Variants in BBS9 observed in about 807,000 individuals in gnomAD.
BBS9 encodes the protein protein PTHB1.
In BBS9, 89 loss-of-function variants were observed where a neutral mutation model predicts 117.7. That is an observed-to-expected ratio of 0.76 (90% CI 0.64 to 0.90). BBS9 has a LOEUF of 0.90. Among genes scored for constraint, BBS9 ranks in the 40% least tolerant of loss-of-function variants. The pLI is 0.00. For missense variants in BBS9, 982 were observed against 1,042.2 expected (o/e 0.94, Z 0.80); for synonymous variants, 379 against 370.9 (o/e 1.02, Z -0.25).
At chr7:33,483,270 G>A (rs35017916) in intron 19 of BBS9, among the ~76,000 whole-genome samples, 341 of 152,144 alleles carry the variant, frequency 2.2e-3, no homozygotes, top group African/African-American at 7.9e-3. Context: ...AACCCTTCTT[G>A]GACTTTGTAC....
At chr7:33,370,175 T>G (rs1333004087) in intron 17 of BBS9, among the ~76,000 whole-genome samples, 4 of 152,118 alleles carry the variant, frequency 2.6e-5, no homozygotes, top group Non-Finnish European at 5.9e-5. Flanking sequence ...AGCAGAATAG[T>G]AGCTGGGTGT....
intron 5 of BBS9, among the ~76,000 whole-genome samples, chr7:33,253,536 C>T (rs193162894): frequency 4.6e-5 from 7 of 152,060 alleles, no homozygotes; most frequent in African/African-American, 7.2e-5. Context: ...TGCTTGAACC[C>T]GGGAGGAGGA....
intron 4 of BBS9, among the ~76,000 whole-genome samples, chr7:33,172,770 A>G (rs1796788490): frequency 6.6e-6 from 1 of 152,232 alleles, no homozygotes. Flanking sequence ...ACAAAAAATT[A>G]TATTCCATAT....
At chr7:33,189,782 A>G (rs1783774277) in intron 5 of BBS9, among the ~76,000 whole-genome samples, 1 of 151,614 alleles carries the variant, frequency 6.6e-6, no homozygotes, top group African/African-American at 2.4e-5. Flanking sequence ...GCTACTCAGG[A>G]AGCTGAGGCA....
chr7:33,611,445 TATA>T (rs1257337137), intron 21 of BBS9, among the ~76,000 whole-genome samples: 3 of 143,100 alleles, frequency 2.1e-5, no homozygotes, highest in African/African-American at 7.7e-5. Context: ...TCTTTAATAT[TATA>T]ATATTTAATA....
rs2128148490 is a variant in BBS9, at chr7:33,171,905, T to A, written c.329-5573T>A. Among the ~76,000 whole-genome samples the A allele has an allele frequency of 2.0e-5, 3 of 152,016 alleles. No homozygotes were observed. The South Asian group carries it at 6.2e-4, about 32-fold the overall frequency. ...ATGGTACCCAGGAGGCTTATGAAGG[T>A]CAAGGCCTCTCTGAGTCCTGACATA... On this transcript the variant is annotated intron_variant, in intron 4 of 22. Coordinates refer to ENST00000242067, the MANE Select transcript of BBS9 (RefSeq NM_198428.3).
chr7:33,510,693 AT>A (rs756549867), intron 20 of BBS9, among the ~76,000 whole-genome samples: 2 of 152,196 alleles, frequency 1.3e-5, no homozygotes, highest in Admixed American at 1.3e-4. Flanking sequence ...ATAAAAAGAA[AT>A]AAGAACACAC....
At chr7:33,540,003 G>T (rs1259976848) in intron 21 of BBS9, among the ~76,000 whole-genome samples, 1 of 152,186 alleles carries the variant, frequency 6.6e-6, no homozygotes, top group Non-Finnish European at 1.5e-5. Context: ...CAGTTTTTGA[G>T]TGTGTATCTT....
At chr7:33,468,180 T>C (rs940274330) in intron 19 of BBS9, among the ~76,000 whole-genome samples, 2 of 151,996 alleles carry the variant, frequency 1.3e-5, no homozygotes, top group African/African-American at 4.8e-5. Context: ...CTAGGTAAAG[T>C]AGTGAGGAAG....
chr7:33,410,053 G>A (rs1352119973), intron 19 of BBS9, among the ~76,000 whole-genome samples: 1 of 152,056 alleles, frequency 6.6e-6, no homozygotes, highest in Non-Finnish European at 1.5e-5. Context: ...TTATGTTATG[G>A]TTTCTTGGGT....
At chr7:33,255,933 G>A (rs1344561879) in intron 5 of BBS9, among the ~76,000 whole-genome samples, 2 of 152,116 alleles carry the variant, frequency 1.3e-5, no homozygotes, top group East Asian at 1.9e-4. Context: ...CAAGGTGGGC[G>A]GATCATGAGG....
intron 19 of BBS9, among the ~76,000 whole-genome samples, chr7:33,452,048 G>T (rs966428221): frequency 1.3e-5 from 2 of 152,036 alleles, no homozygotes; most frequent in African/African-American, 2.4e-5. Context: ...TGGCCAGGCT[G>T]GTCTTGAACT....
chr7:33,285,494 A>G (rs1367635613), intron 9 of BBS9, among the ~76,000 whole-genome samples: 1 of 152,130 alleles, frequency 6.6e-6, no homozygotes, highest in African/African-American at 2.4e-5. Context: ...TGTCAATCTC[A>G]TTGAAGGATT....
chr7:33,373,149 A>ACT (rs1393023055), intron 17 of BBS9, among the ~76,000 whole-genome samples: 1 of 151,530 alleles, frequency 6.6e-6, no homozygotes, highest in African/African-American at 2.4e-5. Context: ...GTACACGCAC[A>ACT]CTCTCTCTTT....
At chr7:33,141,755 T>C (rs761459007) in intron 1 of BBS9, among the ~76,000 whole-genome samples, 3 of 152,150 alleles carry the variant, frequency 2.0e-5, no homozygotes, top group African/African-American at 7.2e-5. Flanking sequence ...TATTATTAGC[T>C]CCTCATAGTT....
At chr7:33,374,327 CTG>C (rs1823407401) in intron 17 of BBS9, among the ~76,000 whole-genome samples, 1 of 152,020 alleles carries the variant, frequency 6.6e-6, no homozygotes, top group Non-Finnish European at 1.5e-5. Context: ...GGTAAGGGCT[CTG>C]TGACAGTCCT....
At chr7:33,394,392 G>A (rs913070624) in intron 19 of BBS9, among the ~76,000 whole-genome samples, 3 of 152,064 alleles carry the variant, frequency 2.0e-5, no homozygotes, top group African/African-American at 7.2e-5. Context: ...ACACACTGGG[G>A]CCTACTGGAG....
At chr7:33,454,609 T>G (rs766535626) in intron 19 of BBS9, among the ~76,000 whole-genome samples, 8 of 152,244 alleles carry the variant, frequency 5.3e-5, no homozygotes, top group Non-Finnish European at 1.0e-4. Context: ...ATTATCATGA[T>G]TGGCTCAGAC....
intron 21 of BBS9, among the ~76,000 whole-genome samples, chr7:33,569,247 T>C (rs1857384857): frequency 6.6e-6 from 1 of 152,204 alleles, no homozygotes; most frequent in African/African-American, 2.4e-5. Flanking sequence ...AGTTAGTGAA[T>C]TTGTGTATCC....
Sources: gnomAD v4.1 joint callset for allele counts (sites outside exome capture counted in the v4.1 genomes callset) on GRCh38, gnomAD v4.1.1 for gene constraint, MANE v1.5 for transcripts, NCBI Gene and HGNC (gene_info 2026-07-23, HGNC 2026-07-21) for gene names.